The following TMEM233 variants were observed in gnomAD, a reference collection of about 807,000 sequenced individuals.
TMEM233 encodes the protein dispanin subfamily B member 2.
TMEM233 carries 6 observed loss-of-function variants against 11.2 expected under a neutral mutation model. The observed-to-expected ratio is 0.54, with a 90% confidence interval of 0.29 to 1.06. The LOEUF (loss-of-function observed/expected upper bound fraction) is 1.06, where lower values mean the gene tolerates loss of function less well. Among genes scored for constraint, TMEM233 ranks in the 50% least tolerant of loss-of-function variants. The pLI is 0.08. For synonymous variants in TMEM233, 59 were observed against 55.8 expected, an observed-to-expected ratio of 1.06 and a Z score of -0.26; for missense variants, 127 against 144.7, an observed-to-expected ratio of 0.88 and a Z score of 0.63.
chr12:119,618,638 T>C (rs963505789), intron 1 of TMEM233, among the ~76,000 whole-genome samples: 3 of 152,214 alleles, frequency 2.0e-5, no homozygotes, highest in African/African-American at 7.2e-5. Context: ...ATGACTGCTC[T>C]ATTGGATTTT....
intron 1 of TMEM233, among the ~76,000 whole-genome samples, chr12:119,597,299 C>G (rs999353069): frequency 6.6e-6 from 1 of 152,138 alleles, no homozygotes; most frequent in Non-Finnish European, 1.5e-5. Context: ...TGGAAAAAGC[C>G]GAAGTACTAA....
At position 119,594,129 on chromosome 12, in the gene TMEM233, C is replaced by T. The variant is rs1953977480; in HGVS notation, c.186+95C>T. ...TCCGCGCGCTCTCTGCGGCTCCCTT[C>T]CTCACGGCCCGGCCCGCGCTAGGTG... On this transcript the variant is annotated intron_variant, in intron 1 of 2. Transcript: ENST00000426426. The surrounding 1 kb of genome is among the most constrained non-coding windows in gnomAD (Gnocchi z 5.6). The T allele has an allele frequency of 1.6e-6, 2 of 1,275,742 alleles. No individual in the cohort carries two copies. Among genetic ancestry groups the T allele is most frequent in the Non-Finnish European group, 2.2e-6 (2 of 926,290 alleles). The allele number at this position is 1,275,742 out of a possible 1,614,324, so 79.0% of individuals were successfully genotyped here. A position where few individuals can be genotyped will look rare whatever the true frequency, so the allele number is the denominator to read the frequency against.
intron 2 of TMEM233, among the ~76,000 whole-genome samples, chr12:119,633,683 A>T (rs1309828291): frequency 6.6e-6 from 1 of 152,236 alleles, no homozygotes; most frequent in Admixed American, 6.5e-5. Flanking sequence ...AGAAAGAAGG[A>T]AAGAGGCAGA....
At chr12:119,639,250 C>G (rs79097302) in intron 2 of TMEM233, among the ~76,000 whole-genome samples, 47 of 152,162 alleles carry the variant, frequency 3.1e-4, no homozygotes, top group African/African-American at 9.9e-4. Context: ...CTGTTTCCCC[C>G]CTACTGGCAT....
intron 1 of TMEM233, among the ~76,000 whole-genome samples, chr12:119,620,687 T>A (rs1954623239): frequency 1.3e-5 from 2 of 152,012 alleles, no homozygotes; most frequent in Non-Finnish European, 2.9e-5. Context: ...AATCAAGACT[T>A]TCCCCAAGAA....
chr12:119,633,256 A>G (rs1474036608), intron 2 of TMEM233, among the ~76,000 whole-genome samples: 1 of 152,082 alleles, frequency 6.6e-6, no homozygotes, highest in East Asian at 1.9e-4. Flanking sequence ...TGTAAGGTCA[A>G]ATTCCTTCTA....
rs115227160 is a variant in TMEM233 at position 119,605,829 on chromosome 12, C to A, written c.186+11795C>A. Among the ~76,000 whole-genome samples the A allele has an allele frequency of 3.6e-3, 543 of 152,218 alleles. 4 individuals carry two copies. The highest frequency in any genetic ancestry group is 0.013 in the African/African-American group (523 of 41,510). On this transcript the variant is annotated intron_variant, in intron 1 of 2. Transcript: ENST00000426426. ...TATAAGAAGCATCATACAATACTCT[C>A]AATCAAGCCTGGCAGAATTCCTCCC...
chr12:119,630,614 A>G (rs1395552417), intron 2 of TMEM233, among the ~76,000 whole-genome samples: 1 of 152,218 alleles, frequency 6.6e-6, no homozygotes, highest in African/African-American at 2.4e-5. Context: ...TAGTTTGCCA[A>G]CTTCAGATCT....
chr12:119,610,969 C>G (rs552275545), intron 1 of TMEM233, among the ~76,000 whole-genome samples: 1 of 152,234 alleles, frequency 6.6e-6, no homozygotes, highest in African/African-American at 2.4e-5. Flanking sequence ...ACTTAGCATC[C>G]TGTTTTCAGG....
rs545376485 is a variant in TMEM233 at position 119,594,337 on chromosome 12, C to T, written c.186+303C>T. 2.7e-5 allele frequency: 10 copies of T among 364,342 alleles called. No individual in the cohort carries two copies. The South Asian group carries it at 2.8e-4, about 10-fold the overall frequency. 22.6% of individuals were successfully genotyped at this position (364,342 alleles called of 1,614,324 possible). On this transcript the variant is annotated intron_variant, in intron 1 of 2. Transcript: ENST00000426426. The surrounding 1 kb of genome is among the most constrained non-coding windows in gnomAD (Gnocchi z 5.6). ...CCTCTCCAACCCGGGGAAGTTCTTCCGTGGACTTTGCTGACTCCTCTGACC... is the reference window on the plus strand; with the variant it reads ...CCTCTCCAACCCGGGGAAGTTCTTCTGTGGACTTTGCTGACTCCTCTGACC...
chr12:119,621,245 GC>G (rs1954635768), intron 1 of TMEM233, among the ~76,000 whole-genome samples: 1 of 152,116 alleles, frequency 6.6e-6, no homozygotes, highest in Non-Finnish European at 1.5e-5. Context: ...TCCCTATCTT[GC>G]CCAGGTTGGT....
chr12:119,652,075 A>C, the TMEM233 span, among the ~76,000 whole-genome samples: 12 of 152,054 alleles, frequency 7.9e-5, no homozygotes, highest in South Asian at 2.3e-3. Context: ...TGTGAGAAAC[A>C]GATATCACAA....
At chr12:119,624,181 C>A (rs1488084826) in intron 1 of TMEM233, among the ~76,000 whole-genome samples, 2 of 151,382 alleles carry the variant, frequency 1.3e-5, no homozygotes, top group African/African-American at 2.4e-5. Context: ...AAAACCCCAT[C>A]TCTACCAAAA....
rs1179315239 is a variant in TMEM233 at position 119,595,466 on chromosome 12, T to C, written c.186+1432T>C. The stretch of plus-strand genomic sequence containing the variant: ...CTTGCCCTTTCCCAAACCCGGTTTG[T>C]GGACAGCGTCTGCACCGATATGAAA... On this transcript the variant is annotated intron_variant, in intron 1 of 2. Transcript: ENST00000426426. This position sits in a 1 kb window ranked among gnomAD's most constrained non-coding sequence, Gnocchi z 4.3. Among the ~76,000 whole-genome samples, 2 of 152,224 alleles carry C rather than the reference T, an allele frequency of 1.3e-5. No homozygotes were observed. Among genetic ancestry groups the C allele is most frequent in the African/African-American group, 2.4e-5 (1 of 41,462 alleles).
At chr12:119,634,620 A>C (rs1954940016) in intron 2 of TMEM233, among the ~76,000 whole-genome samples, 1 of 152,120 alleles carries the variant, frequency 6.6e-6, no homozygotes, top group Non-Finnish European at 1.5e-5. Context: ...CTCAAAAAAA[A>C]ACAAAAACAA....
chr12:119,594,100 G>C lies in TMEM233; in HGVS notation c.186+66G>C. The C allele has an allele frequency of 6.7e-7, 1 of 1,492,076 alleles. No homozygotes were observed. The highest frequency in any genetic ancestry group is 9.0e-7 in the Non-Finnish European group (1 of 1,105,084). 92.4% of individuals were successfully genotyped at this position (1,492,076 alleles called of 1,614,324 possible). ...CCGGGCGGCTTTGAGCCCCTGCAGG[G>C]GAGTCCGCGCGCTCTCTGCGGCTCC... is the stretch of plus-strand genomic sequence containing the variant. On this transcript the variant is annotated intron_variant, in intron 1 of 2. Transcript: ENST00000426426. The surrounding 1 kb of genome is among the most constrained non-coding windows in gnomAD (Gnocchi z 5.6).
intron 2 of TMEM233, among the ~76,000 whole-genome samples, chr12:119,632,268 C>T (rs943484993): frequency 1.3e-5 from 2 of 152,120 alleles, no homozygotes; most frequent in African/African-American, 2.4e-5. Flanking sequence ...ATGAGGAAAC[C>T]GAGACTCAGA....
At chr12:119,620,539 C>G (rs1954620416) in intron 1 of TMEM233, among the ~76,000 whole-genome samples, 1 of 152,128 alleles carries the variant, frequency 6.6e-6, no homozygotes, top group Admixed American at 6.5e-5. Context: ...TGAGGCATGA[C>G]CACTTAAATG....
chr12:119,621,148 A>G (rs571637211), intron 1 of TMEM233, among the ~76,000 whole-genome samples: 1 of 151,748 alleles, frequency 6.6e-6, no homozygotes, highest in East Asian at 2.0e-4. Context: ...CTGGGACTCA[A>G]GCAATCCTCC....
Sources: allele counts gnomAD v4.1 joint callset (sites outside exome capture counted in the v4.1 genomes callset), GRCh38; gene constraint gnomAD v4.1.1; non-coding constraint Gnocchi (gnomAD v3.1); transcripts MANE v1.5; gene names NCBI Gene and HGNC (gene_info 2026-07-23, HGNC 2026-07-21).